ZDHHC14: variants seen among roughly 807,000 people sequenced by gnomAD.
ZDHHC14 encodes the protein palmitoyltransferase ZDHHC14.
A neutral mutation model predicts 47.7 loss-of-function variants in ZDHHC14; 16 were observed. The observed-to-expected ratio is 0.34, with a 90% CI of 0.23 to 0.51. The LOEUF (loss-of-function observed/expected upper bound fraction) is 0.51. Ranked by LOEUF, ZDHHC14 falls within the 20% of genes least tolerant of loss-of-function variation. The probability of loss-of-function intolerance (pLI) is 0.97; values close to 1 mark genes in which losing one functional copy is unlikely to be tolerated. For missense variants in ZDHHC14, 515 were observed against 662.5 expected, an observed-to-expected ratio of 0.78 and a Z score of 2.44; for synonymous variants, 293 against 278.9, an observed-to-expected ratio of 1.05 and a Z score of -0.50.
chr6:157,588,094 T>TA (rs1033434770), intron 2 of ZDHHC14, among the ~76,000 whole-genome samples: 20 of 151,578 alleles, frequency 1.3e-4, no homozygotes, highest in African/African-American at 2.7e-4. Context: ...CTGTCTCTAC[T>TA]AAAAAAAACA....
chr6:157,672,912 C>T lies in ZDHHC14; in HGVS notation c.1257C>T (p.Ala419=), dbSNP rs757026843. The change falls in exon 9 of 9, where the codon GCC becomes GCT. Residue 419 remains alanine (A), a synonymous_variant. Transcript: ENST00000359775. ...PTPPASMPNL[A]EATLADVMPR... ...CGCCCGCCTCCATGCCCAACCTCGC[C>T]GAGGCCACGCTCGCGGACGTGATGC... 6.9e-6 allele frequency: 11 copies of T among 1,604,374 alleles called. No homozygotes were observed. The highest frequency in any genetic ancestry group is 6.7e-5 in the East Asian group (3 of 44,474).
intron 1 of ZDHHC14, among the ~76,000 whole-genome samples, chr6:157,476,705 C>T (rs1196777103): frequency 6.6e-6 from 1 of 152,176 alleles, no homozygotes; most frequent in African/African-American, 2.4e-5. Flanking sequence ...GGATCATTCA[C>T]CATGATCAAG....
chr6:157,655,855 C>T (rs538302701), intron 8 of ZDHHC14, among the ~76,000 whole-genome samples: 1 of 152,176 alleles, frequency 6.6e-6, no homozygotes, highest in African/African-American at 2.4e-5. Flanking sequence ...TAATACTGGG[C>T]TCACCAGGTT....
intron 1 of ZDHHC14, among the ~76,000 whole-genome samples, chr6:157,522,830 TCCCTCCCTTCCTTCCTTCCTTTCCTCCC>T (rs1780986518): frequency 2.7e-5 from 1 of 36,676 alleles, no homozygotes; most frequent in African/African-American, 1.8e-4. Context: ...CCTCCCTCCC[TCCCTCCCTTCCTTCCTTCCTTTCCTCCC>T]TTCTTCCCTT....
chr6:157,546,908 A>G (rs570839317), intron 2 of ZDHHC14, among the ~76,000 whole-genome samples: 1 of 152,224 alleles, frequency 6.6e-6, no homozygotes, highest in African/African-American at 2.4e-5. Context: ...CAATGCGGAG[A>G]GTGAGTGAGG....
At chr6:157,423,044 C>G (rs1358532410) in intron 1 of ZDHHC14, among the ~76,000 whole-genome samples, 1 of 152,226 alleles carries the variant, frequency 6.6e-6, no homozygotes, top group Non-Finnish European at 1.5e-5. Context: ...GCCAAACAAA[C>G]TAGACTGAGA....
chr6:157,470,067 G>GTGTCCAGTAAATGATAAGC (rs1779318225), intron 1 of ZDHHC14, among the ~76,000 whole-genome samples: 1 of 152,182 alleles, frequency 6.6e-6, no homozygotes, highest in African/African-American at 2.4e-5. Flanking sequence ...TGGCACAGCA[G>GTGTCCAGTAAATGATAAGC]TGTCCAGTAA....
At chr6:157,644,440 C>CT (rs1158697720) in intron 5 of ZDHHC14, among the ~76,000 whole-genome samples, 1 of 152,228 alleles carries the variant, frequency 6.6e-6, no homozygotes, top group African/African-American at 2.4e-5. Flanking sequence ...CTGTGTCTCT[C>CT]TGGTTCCCTA....
chr6:157,561,025 TAGTC>T (rs1210588303), intron 2 of ZDHHC14, among the ~76,000 whole-genome samples: 5 of 152,110 alleles, frequency 3.3e-5, no homozygotes, highest in African/African-American at 9.7e-5. Context: ...AACCAAAAAA[TAGTC>T]AGCATTTAAA....
At chr6:157,485,603 T>C (rs959224866) in intron 1 of ZDHHC14, among the ~76,000 whole-genome samples, 7 of 152,176 alleles carry the variant, frequency 4.6e-5, no homozygotes, top group African/African-American at 1.7e-4. Context: ...AGAGCCCCAG[T>C]GACTGACTCT....
chr6:157,394,961 T>A (rs1479931814), intron 1 of ZDHHC14, among the ~76,000 whole-genome samples: 2 of 151,228 alleles, frequency 1.3e-5, no homozygotes, highest in Non-Finnish European at 2.9e-5. Flanking sequence ...CCAGAATGCT[T>A]CTTTGAGCAG....
intron 1 of ZDHHC14, among the ~76,000 whole-genome samples, chr6:157,431,942 T>A (rs1450482993): frequency 1.3e-5 from 2 of 152,128 alleles, no homozygotes; most frequent in Admixed American, 6.5e-5. Flanking sequence ...TTGCCCAGGC[T>A]GGTCTTGAAC....
intron 1 of ZDHHC14, among the ~76,000 whole-genome samples, chr6:157,477,598 A>G (rs1300685543): frequency 6.6e-6 from 1 of 152,116 alleles, no homozygotes; most frequent in Non-Finnish European, 1.5e-5. Context: ...TTTTTTTGAT[A>G]CATTTATTTC....
At chr6:157,575,941 C>T (rs1783289910) in intron 2 of ZDHHC14, among the ~76,000 whole-genome samples, 2 of 152,202 alleles carry the variant, frequency 1.3e-5, no homozygotes, top group African/African-American at 4.8e-5. Flanking sequence ...ACTCACTACT[C>T]GGCTGCCTGC....
intron 1 of ZDHHC14, among the ~76,000 whole-genome samples, chr6:157,421,207 A>G (rs1330248997): frequency 6.6e-6 from 1 of 152,050 alleles, no homozygotes; most frequent in Admixed American, 6.6e-5. Flanking sequence ...AAGTCAAGAT[A>G]GAAGCAAACT....
intron 1 of ZDHHC14, among the ~76,000 whole-genome samples, chr6:157,484,137 T>C (rs954045963): frequency 2.0e-5 from 3 of 151,430 alleles, no homozygotes; most frequent in Non-Finnish European, 4.4e-5. Context: ...CACTGGGGCC[T>C]TCTTGAGGGT....
chr6:157,458,719 G>A (rs1562433532), intron 1 of ZDHHC14, among the ~76,000 whole-genome samples: 1 of 151,306 alleles, frequency 6.6e-6, no homozygotes, highest in Non-Finnish European at 1.5e-5. Context: ...CCTTCTCCAA[G>A]TGCATATAGA....
chr6:157,595,523 C>A (rs1293186125), intron 3 of ZDHHC14, among the ~76,000 whole-genome samples: 2 of 152,098 alleles, frequency 1.3e-5, no homozygotes, highest in African/African-American at 2.4e-5. Context: ...TCAAAATTTT[C>A]TTCTCAATCT....
chr6:157,444,119 C>G (rs112611810), intron 1 of ZDHHC14, among the ~76,000 whole-genome samples: 2 of 152,138 alleles, frequency 1.3e-5, no homozygotes, highest in Admixed American at 6.5e-5. Context: ...AAACAGTAAT[C>G]GTGATAGAGC....
Sources: allele counts gnomAD v4.1 joint callset (sites outside exome capture counted in the v4.1 genomes callset), GRCh38; gene constraint gnomAD v4.1.1; transcripts MANE v1.5; gene names NCBI Gene and HGNC (gene_info 2026-07-23, HGNC 2026-07-21).